CSMD1: variants seen among roughly 807,000 people sequenced by gnomAD.
CSMD1 encodes the protein CUB and Sushi multiple domains 1.
In CSMD1, 213 loss-of-function variants were observed where a neutral mutation model predicts 417.5. That is an observed-to-expected ratio of 0.51 (90% CI 0.46 to 0.57). The LOEUF (loss-of-function observed/expected upper bound fraction) is 0.57, where lower values mean the gene tolerates loss of function less well. Among genes scored for constraint, CSMD1 ranks in the 20% least tolerant of loss-of-function variants. The pLI is 0.00. For synonymous variants in CSMD1, 2,862 were observed against 1,736.8 expected, an observed-to-expected ratio of 1.65 and a Z score of -16.11; for missense variants, 6,923 against 4,529.7, an observed-to-expected ratio of 1.53 and a Z score of -15.17.
chr8:3,467,507 GT>G (rs1490695388), intron 12 of CSMD1, among the ~76,000 whole-genome samples: 1 of 152,186 alleles, frequency 6.6e-6, no homozygotes, highest in Admixed American at 6.5e-5. Flanking sequence ...CTGCATTCTA[GT>G]TTTAGTCATT....
At chr8:4,139,228 C>G (rs1187512501) in intron 3 of CSMD1, among the ~76,000 whole-genome samples, 1 of 152,150 alleles carries the variant, frequency 6.6e-6, no homozygotes, top group African/African-American at 2.4e-5. Flanking sequence ...CCTAGTGGTG[C>G]TTTAAAGGCG....
chr8:3,733,205 A>ACACT (rs1554525004), intron 6 of CSMD1, among the ~76,000 whole-genome samples: 57 of 87,096 alleles, frequency 6.5e-4, no homozygotes, highest in African/African-American at 3.1e-3. Flanking sequence ...ACACACACAC[A>ACACT]CTCTCTCTCT....
chr8:3,602,720 C>CACAT (rs1334751375), intron 8 of CSMD1, among the ~76,000 whole-genome samples: 4 of 82,664 alleles, frequency 4.8e-5, no homozygotes, highest in African/African-American at 1.7e-4. Context: ...AAGAATTACA[C>CACAT]ACACACACAC....
intron 7 of CSMD1, among the ~76,000 whole-genome samples, chr8:3,673,588 G>C (rs78105200): frequency 0.015 from 2,317 of 152,262 alleles, 55 homozygotes; most frequent in African/African-American, 0.052. Context: ...ACTTGATTCA[G>C]AGCTAATTTT....
At chr8:3,207,961 C>T (rs964622001) in intron 30 of CSMD1, among the ~76,000 whole-genome samples, 1 of 152,156 alleles carries the variant, frequency 6.6e-6, no homozygotes, top group African/African-American at 2.4e-5. Flanking sequence ...ACTCACTCTA[C>T]CAACGCAGAT....
At chr8:4,716,904 A>T (rs1365470598) in intron 1 of CSMD1, among the ~76,000 whole-genome samples, 3 of 152,138 alleles carry the variant, frequency 2.0e-5, no homozygotes, top group Non-Finnish European at 4.4e-5. Context: ...AAGCAAAAAA[A>T]TCATATCTAG....
chr8:3,671,030 G>T (rs1330164780), intron 7 of CSMD1, among the ~76,000 whole-genome samples: 779 of 76,466 alleles, frequency 0.01, 15 homozygotes, highest in African/African-American at 0.031. Flanking sequence ...TGGGATATAT[G>T]CATATGGGAT....
At chr8:4,508,735 C>T (rs1802663623) in intron 2 of CSMD1, among the ~76,000 whole-genome samples, 1 of 151,836 alleles carries the variant, frequency 6.6e-6, no homozygotes. Flanking sequence ...ATCAGATGTA[C>T]TGAAATGTAA....
intron 5 of CSMD1, among the ~76,000 whole-genome samples, chr8:3,895,613 A>G (rs969019574): frequency 2.0e-5 from 3 of 152,230 alleles, no homozygotes; most frequent in Non-Finnish European, 2.9e-5. Context: ...ACCATTTAGT[A>G]AAGTCTCAAA....
At chr8:3,318,714 C>G (rs2117464277) in intron 23 of CSMD1, among the ~76,000 whole-genome samples, 1 of 152,170 alleles carries the variant, frequency 6.6e-6, no homozygotes, top group African/African-American at 2.4e-5. Context: ...GGGTGGTGGT[C>G]ACAGGAGTTC....
intron 41 of CSMD1, among the ~76,000 whole-genome samples, chr8:3,120,304 A>C (rs1389694148): frequency 6.6e-6 from 1 of 152,174 alleles, no homozygotes; most frequent in African/African-American, 2.4e-5. Context: ...TCTGTGTTTT[A>C]TATTAAAGCA....
chr8:3,462,405 G>T (rs537298918), intron 12 of CSMD1, among the ~76,000 whole-genome samples: 1 of 152,298 alleles, frequency 6.6e-6, no homozygotes, highest in Non-Finnish European at 1.5e-5. Flanking sequence ...GTGAGCAGCA[G>T]GCAACGGAGC....
intron 1 of CSMD1, chr8:4,787,828 T>C (rs1242042700): frequency 3.2e-6 from 5 of 1,576,040 alleles, no homozygotes; most frequent in South Asian, 1.1e-5. Context: ...ACAGGCTATA[T>C]TTGAAATGCT....
intron 1 of CSMD1, among the ~76,000 whole-genome samples, chr8:4,944,321 G>C (rs773960263): frequency 2.6e-5 from 4 of 152,226 alleles, no homozygotes; most frequent in Non-Finnish European, 4.4e-5. Context: ...AGCAGACCAA[G>C]AGAAGAAAGC....
intron 1 of CSMD1, among the ~76,000 whole-genome samples, chr8:4,754,547 T>G (rs1459074686): frequency 6.6e-6 from 1 of 151,734 alleles, no homozygotes; most frequent in Non-Finnish European, 1.5e-5. Flanking sequence ...ACACTTTGTT[T>G]TTTTTTTTTT....
chr8:4,953,589 G>A (rs1369924017), intron 1 of CSMD1, among the ~76,000 whole-genome samples: 1 of 151,984 alleles, frequency 6.6e-6, no homozygotes, highest in Admixed American at 6.6e-5. Context: ...TTGTCAACTA[G>A]TCATAAAATT....
intron 26 of CSMD1, among the ~76,000 whole-genome samples, chr8:3,232,802 T>G (rs1013176977): frequency 1.3e-5 from 2 of 152,186 alleles, no homozygotes; most frequent in Non-Finnish European, 2.9e-5. Context: ...TTCATACTAA[T>G]TAATTTTTTC....
chr8:4,755,016 T>C (rs897629244), intron 1 of CSMD1, among the ~76,000 whole-genome samples: 1 of 152,056 alleles, frequency 6.6e-6, no homozygotes, highest in Non-Finnish European at 1.5e-5. Context: ...CATGTGCCTG[T>C]GATCCCAGCT....
chr8:3,214,323 C>G (rs998728911), intron 30 of CSMD1, among the ~76,000 whole-genome samples, 174 bp downstream of exon 30: 1 of 152,180 alleles, frequency 6.6e-6, no homozygotes, highest in Non-Finnish European at 1.5e-5. Flanking sequence ...GGCTAACACA[C>G]TAGCTGCATT....
Sources: gnomAD v4.1 joint callset for allele counts (sites outside exome capture counted in the v4.1 genomes callset) on GRCh38, gnomAD v4.1.1 for gene constraint, MANE v1.5 for transcripts, NCBI Gene and HGNC (gene_info 2026-07-23, HGNC 2026-07-21) for gene names.